Variants in SETD3 observed in about 807,000 individuals in gnomAD.
SETD3 encodes the protein SET domain containing 3, actin N3(tau)-histidine methyltransferase.
Under a neutral mutation model 63.0 loss-of-function variants are expected in SETD3, and 19 were observed. The observed-to-expected ratio is 0.30, with a 90% CI of 0.21 to 0.44. SETD3 has a LOEUF of 0.44. SETD3 is among the 20% of genes least tolerant of loss of function. SETD3 has a pLI of 1.00. For missense variants in SETD3, 587 were observed against 728.5 expected (o/e 0.81, Z 2.24); for synonymous variants, 286 against 264.1 (o/e 1.08, Z -0.80).
intron 1 of SETD3, 86 bp from the exon 2 acceptor site, chr14:99,465,899 G>T: frequency 1.3e-6 from 1 of 789,892 alleles, no homozygotes; most frequent in Non-Finnish European, 2.1e-6. Flanking sequence ...ACATGGCAGT[G>T]TCTTAGTCTT....
At chr14:99,465,029 A>G (rs975404676) in intron 2 of SETD3, among the ~76,000 whole-genome samples, 9 of 152,172 alleles carry the variant, frequency 5.9e-5, no homozygotes, top group African/African-American at 1.7e-4. Flanking sequence ...CCAGCTACTC[A>G]GGAGAATGAA....
chr14:99,430,089 T>C (rs1893090987), intron 6 of SETD3, among the ~76,000 whole-genome samples: 1 of 152,192 alleles, frequency 6.6e-6, no homozygotes, highest in Non-Finnish European at 1.5e-5. Flanking sequence ...GAAACAGCGT[T>C]TTCAGTAAGT....
intron 6 of SETD3, among the ~76,000 whole-genome samples, chr14:99,417,836 G>A (rs1015943791): frequency 2.6e-5 from 4 of 152,122 alleles, no homozygotes; most frequent in Non-Finnish European, 5.9e-5. Context: ...TAAATACATG[G>A]AGAGGTGTTT....
intron 6 of SETD3, among the ~76,000 whole-genome samples, chr14:99,435,115 G>A (rs185032340): frequency 1.3e-5 from 2 of 152,006 alleles, no homozygotes; most frequent in Admixed American, 1.3e-4. Context: ...TTTACCACCA[G>A]GTACATATTT....
At chr14:99,465,955 G>T (rs756665690) in intron 1 of SETD3, 142 bp from the exon 2 acceptor site, 86 of 533,016 alleles carry the variant, frequency 1.6e-4, no homozygotes, top group Non-Finnish European at 2.4e-4. Context: ...TCCAGAAAAA[G>T]AAATGTGTAG....
chr14:99,442,838 G>A (rs921565526), intron 6 of SETD3, among the ~76,000 whole-genome samples: 6 of 152,310 alleles, frequency 3.9e-5, no homozygotes, highest in African/African-American at 1.2e-4. Flanking sequence ...CCCCTGTGCT[G>A]TTCAAGAGTC....
intron 10 of SETD3, 127 bp from the exon 11 acceptor site, chr14:99,404,437 C>A (rs753882048): frequency 1.3e-6 from 1 of 782,126 alleles, no homozygotes; most frequent in South Asian, 1.7e-5. Context: ...TGGGTCATTC[C>A]AGCTCCTCAT....
At chr14:99,483,088 C>T (rs1268706202), upstream of SETD3, among the ~76,000 whole-genome samples, 1 of 152,178 alleles carries the variant, frequency 6.6e-6, no homozygotes, top group African/African-American at 2.4e-5. Context: ...TGATAGAAGA[C>T]TAGAATCTGG....
intron 7 of SETD3, chr14:99,413,309 G>A (rs966379940): frequency 1.7e-5 from 8 of 460,686 alleles, no homozygotes; most frequent in African/African-American, 4.0e-5. Context: ...CCAGAAGGAC[G>A]GCTTTGCGCA....
chr14:99,479,220 TAAA>T (rs1247956521), intron 1 of SETD3, among the ~76,000 whole-genome samples: 1 of 152,196 alleles, frequency 6.6e-6, no homozygotes, highest in East Asian at 1.9e-4. Flanking sequence ...AGCAGAAGGC[TAAA>T]ATCCAAGGTT....
At chr14:99,467,529 C>T (rs1895456033) in intron 1 of SETD3, among the ~76,000 whole-genome samples, 1 of 152,192 alleles carries the variant, frequency 6.6e-6, no homozygotes, top group South Asian at 2.1e-4. Context: ...TCGAACTTGA[C>T]CTGAAAATAA....
intron 6 of SETD3, among the ~76,000 whole-genome samples, chr14:99,427,342 G>A (rs2139680581): frequency 6.6e-6 from 1 of 152,156 alleles, no homozygotes; most frequent in Middle Eastern, 3.4e-3. Flanking sequence ...GCCTTTAACT[G>A]CTTAAAATAT....
chr14:99,456,545 G>GT (rs1446388250), intron 6 of SETD3, among the ~76,000 whole-genome samples: 2 of 152,082 alleles, frequency 1.3e-5, no homozygotes, highest in African/African-American at 4.8e-5. Context: ...CTTCTCAATC[G>GT]TTTACTTTTA....
chr14:99,469,174 A>G (rs1895560348), intron 1 of SETD3, among the ~76,000 whole-genome samples: 1 of 152,228 alleles, frequency 6.6e-6, no homozygotes, highest in African/African-American at 2.4e-5. Context: ...AAGCCAGAAA[A>G]CTGCTGGCTC....
At chr14:99,443,323 T>C (rs894195676) in intron 6 of SETD3, among the ~76,000 whole-genome samples, 3 of 141,248 alleles carry the variant, frequency 2.1e-5, no homozygotes, top group Non-Finnish European at 3.0e-5. Context: ...GCAGTGGCAC[T>C]CAGTTCAAAC....
chr14:99,430,734 G>A (rs1407624068), intron 6 of SETD3, among the ~76,000 whole-genome samples: 1 of 152,204 alleles, frequency 6.6e-6, no homozygotes, highest in African/African-American at 2.4e-5. Context: ...ACCTGGCACT[G>A]CTGAGCCCAG....
chr14:99,401,383 T>C (rs1891379811), intron 11 of SETD3, among the ~76,000 whole-genome samples: 1 of 152,234 alleles, frequency 6.6e-6, no homozygotes, highest in Admixed American at 6.5e-5. Context: ...CTTATGTGAT[T>C]AGGAGACAGT....
At chr14:99,441,799 G>A (rs930549704) in intron 6 of SETD3, among the ~76,000 whole-genome samples, 3 of 152,202 alleles carry the variant, frequency 2.0e-5, no homozygotes, top group East Asian at 3.9e-4. Flanking sequence ...TGTTCTAAGC[G>A]TAAGGAAAAG....
At chr14:99,471,209 T>C (rs78872178) in intron 1 of SETD3, among the ~76,000 whole-genome samples, 3,388 of 152,300 alleles carry the variant, frequency 0.022, 125 homozygotes, top group African/African-American at 0.077. Context: ...CACAGACACA[T>C]AGAAGGTCAA....
Sources: gnomAD v4.1 joint callset for allele counts (sites outside exome capture counted in the v4.1 genomes callset) on GRCh38, gnomAD v4.1.1 for gene constraint, MANE v1.5 for transcripts, NCBI Gene and HGNC (gene_info 2026-07-23, HGNC 2026-07-21) for gene names.